GSPT1: variants seen among roughly 807,000 people sequenced by gnomAD.
GSPT1 encodes eukaryotic peptide chain release factor GTP-binding subunit ERF3A.
GSPT1 carries 20 observed loss-of-function variants against 72.5 expected under a neutral mutation model. The observed-to-expected ratio is 0.28, with a 90% CI of 0.19 to 0.40. GSPT1 has a LOEUF of 0.40. Ranked by LOEUF, GSPT1 falls within the 10% of genes least tolerant of loss-of-function variation. GSPT1 has a pLI of 1.00. For missense variants in GSPT1, 580 were observed against 811.9 expected, an observed-to-expected ratio of 0.71 and a Z score of 3.47; for synonymous variants, 334 against 293.5, an observed-to-expected ratio of 1.14 and a Z score of -1.41.
intron 6 of GSPT1, among the ~76,000 whole-genome samples, chr16:11,889,160 T>C (rs982620268): frequency 4.6e-5 from 7 of 151,448 alleles, no homozygotes; most frequent in Non-Finnish European, 7.4e-5. Flanking sequence ...TACAAAAAAT[T>C]AGCCAGGCGT....
chr16:11,899,571 A>C (rs2054380108), intron 1 of GSPT1, among the ~76,000 whole-genome samples: 1 of 152,166 alleles, frequency 6.6e-6, no homozygotes, highest in Admixed American at 6.5e-5. Flanking sequence ...CTGTGGGATG[A>C]GCAGGACATT....
At chr16:11,889,633 G>A (rs12925740) in intron 6 of GSPT1, among the ~76,000 whole-genome samples, 185 of 151,218 alleles carry the variant, frequency 1.2e-3, no homozygotes, top group African/African-American at 3.8e-3. Context: ...TCAGCCCCCC[G>A]AGTAGCTGGG....
At chr16:11,874,573 T>C (rs1355008174) in intron 14 of GSPT1, among the ~76,000 whole-genome samples, 1 of 151,620 alleles carries the variant, frequency 6.6e-6, no homozygotes, top group Non-Finnish European at 1.5e-5. Flanking sequence ...CCTGATTTTA[T>C]CAGGTTCTGA....
Position 11,868,707 on chromosome 16 carries a change from A to G in GSPT1, c.*4412T>C, listed in dbSNP as rs1043171288. The G allele has an allele frequency of 2.0e-5, 3 of 152,276 alleles. No individual in the cohort carries two copies. The highest frequency in any genetic ancestry group is 4.4e-5 in the Non-Finnish European group (3 of 68,064). 9.4% of individuals were successfully genotyped at this position (152,276 alleles called of 1,614,324 possible). ...GAAGCACTAAGCTAATGTGCCTGGT[A>G]GAGGGGAGCCTCAGGAAGCACAAGA... On this transcript the variant is annotated 3_prime_UTR_variant, in exon 15 of 15. Transcript: ENST00000434724.
chr16:11,890,843 A>G (rs1370055029), intron 6 of GSPT1: 1 of 346,554 alleles, frequency 2.9e-6, no homozygotes, highest in African/African-American at 2.2e-5. Context: ...ATTTTCAACA[A>G]GTCTATCACC....
At chr16:11,885,049 C>T in intron 10 of GSPT1, 132 bp downstream of exon 10, 2 of 543,654 alleles carry the variant, frequency 3.7e-6, no homozygotes, top group Admixed American at 2.8e-5. Flanking sequence ...GCCTGGGGGA[C>T]AGAGTGCAAG....
rs1261039261 is a variant in GSPT1, at chr16:11,909,955, A to G, written c.352+5414T>C. ...CAAAAACAAACAAAAAAACTTAGCC[A>G]GGCGTCATGGTGGGTGCCTATAGTC... On this transcript the variant is annotated intron_variant, in intron 1 of 14. Coordinates refer to ENST00000434724, the MANE Select transcript of GSPT1 (RefSeq NM_002094.4). 5.3e-5 allele frequency among the ~76,000 whole-genome samples: 8 copies of G among 151,848 alleles called. No homozygotes were observed. In the East Asian group the frequency reaches 1.2e-3, roughly 22 times the overall value.
chr16:11,871,219 G>T lies in GSPT1; in HGVS notation c.*1900C>A, dbSNP rs1486366217. 1 of 152,170 alleles carries T rather than the reference G, an allele frequency of 6.6e-6. No individual in the cohort carries two copies. The highest frequency in any genetic ancestry group is 6.5e-5 in the Admixed American group (1 of 15,268). 9.4% of individuals were successfully genotyped at this position (152,170 alleles called of 1,614,324 possible). ...TAAGAATCTGTAGGACAATAACTTTGCTCTGTCCATAAGATGTAGCCTCAT... is the reference window on the plus strand; with the variant it reads ...TAAGAATCTGTAGGACAATAACTTTTCTCTGTCCATAAGATGTAGCCTCAT... On this transcript the variant is annotated 3_prime_UTR_variant, in exon 15 of 15. Coordinates refer to ENST00000434724, the MANE Select transcript of GSPT1 (RefSeq NM_002094.4).
intron 11 of GSPT1, among the ~76,000 whole-genome samples, chr16:11,879,751 A>C (rs181951176): frequency 0.22 from 33,777 of 151,070 alleles, 4,835 homozygotes; most frequent in Non-Finnish European, 0.33. Flanking sequence ...AAAAAAAAAA[A>C]AAAACAAAAC....
intron 1 of GSPT1, among the ~76,000 whole-genome samples, chr16:11,914,691 C>A (rs1051273822): frequency 6.6e-6 from 1 of 152,154 alleles, no homozygotes; most frequent in African/African-American, 2.4e-5. Flanking sequence ...AATATAGTCT[C>A]CTATCACACA....
rs2053962149 is a variant in GSPT1, at chr16:11,870,106, A to AT, written c.*3012dup. On this transcript the variant is annotated 3_prime_UTR_variant, in exon 15 of 15. Coordinates refer to ENST00000434724, the MANE Select transcript of GSPT1 (RefSeq NM_002094.4). ...CATTCGGTTATCACATATTTCAAAG[A>AT]TTTTCAACTCACAAAAAAAAAATAC... 3 of 132,014 alleles carry AT rather than the reference A, an allele frequency of 2.3e-5. No homozygotes were observed. The highest frequency in any genetic ancestry group is 5.4e-5 in the Non-Finnish European group (3 of 55,664). 8.2% of individuals were successfully genotyped at this position (132,014 alleles called of 1,614,324 possible).
intron 9 of GSPT1, among the ~76,000 whole-genome samples, chr16:11,885,752 T>G (rs2054179887): frequency 6.6e-6 from 1 of 151,992 alleles, no homozygotes; most frequent in African/African-American, 2.4e-5. Flanking sequence ...ATCAGCCGGG[T>G]GCGGTGGCAT....
intron 11 of GSPT1, among the ~76,000 whole-genome samples, chr16:11,882,782 C>G (rs972372877): frequency 6.6e-6 from 1 of 151,596 alleles, no homozygotes; most frequent in Non-Finnish European, 1.5e-5. Context: ...TAGTGAGACC[C>G]CATCTCAATT....
At position 11,894,983 on chromosome 16, in the gene GSPT1, A is replaced by G; in HGVS notation, c.669T>C (p.Ala223=). ...VNVVFIGHVD[A]GKSTIGGQIM... The stretch of plus-strand genomic sequence containing the variant: ...TTTGTCCTCCAATGGTTGACTTGCC[A>G]GCATCTAAAAGTAACATCAACATGC... The change falls in exon 5 of 15, where the codon GCT becomes GCC. Residue 223 remains alanine, a synonymous_variant. Transcript: ENST00000434724. 1 of 1,588,914 alleles carries G rather than the reference A, an allele frequency of 6.3e-7. No homozygotes were observed. The highest frequency in any genetic ancestry group is 8.6e-7 in the Non-Finnish European group (1 of 1,163,200).
chr16:11,913,926 G>A (rs770592017), intron 1 of GSPT1, among the ~76,000 whole-genome samples: 1 of 152,186 alleles, frequency 6.6e-6, no homozygotes, highest in Non-Finnish European at 1.5e-5. Flanking sequence ...CCGTGCTGAC[G>A]TACATACGTC....
Position 11,898,036 on chromosome 16 carries a change from C to T in GSPT1, c.353-1G>A. 6.5e-7 allele frequency: 1 copy of T among 1,536,214 alleles called. No individual in the cohort carries two copies. The highest frequency in any genetic ancestry group is 8.8e-7 in the Non-Finnish European group (1 of 1,132,142). On this transcript the variant is annotated splice_acceptor_variant, in intron 1 of 14. Coordinates refer to ENST00000434724, the MANE Select transcript of GSPT1 (RefSeq NM_002094.4). LOFTEE classifies it high-confidence loss of function. ...TCCTCTTGAGAGGATTCCACAGGTG[C>T]TGTTTAACAGAAAGAAGTTCTATTA...
intron 1 of GSPT1, among the ~76,000 whole-genome samples, chr16:11,907,979 C>T (rs33627): frequency 0.011 from 1,623 of 152,348 alleles, 41 homozygotes; most frequent in East Asian, 0.094. Flanking sequence ...CGGTGGCTCA[C>T]ACATGTAATC....
chr16:11,886,490 C>G lies in GSPT1; in HGVS notation c.1234G>C (p.Asp412His). 6.2e-7 allele frequency: 1 copy of G among 1,612,636 alleles called. No homozygotes were observed. ...ACTTACATGTACCAAGGACAGAAAT[C>G]CGACTGCTCTTTGAGATTTGCTCCA... is the stretch of plus-strand genomic sequence containing the variant. Reference protein sequence around the residue: ...LTGANLKEQSDFCPWYIGLPF... With the variant: ...LTGANLKEQSHFCPWYIGLPF... Residue 412 changes from aspartate (D) to histidine (H), a missense_variant, in exon 9 of 15, where the codon GAT becomes CAT. Asp to His is a moderately conservative substitution (Grantham distance 81). Coordinates refer to ENST00000434724, the MANE Select transcript of GSPT1 (RefSeq NM_002094.4).
At chr16:11,909,364 C>T (rs1180692723) in intron 1 of GSPT1, among the ~76,000 whole-genome samples, 12 of 152,112 alleles carry the variant, frequency 7.9e-5, no homozygotes, top group Non-Finnish European at 1.6e-4. Flanking sequence ...AACTTCTAAG[C>T]CTTGAAATGA....
Sources: gnomAD v4.1 joint callset for allele counts (sites outside exome capture counted in the v4.1 genomes callset) on GRCh38, gnomAD v4.1.1 for gene constraint, MANE v1.5 for transcripts, NCBI Gene and HGNC (gene_info 2026-07-23, HGNC 2026-07-21) for gene names.